FCHSD2: variants seen among roughly 807,000 people sequenced by gnomAD.
FCHSD2 encodes the protein FCH and double SH3 domains 2.
FCHSD2 carries 38 observed loss-of-function variants against 108.1 expected under a neutral mutation model. That is an observed-to-expected ratio of 0.35 (90% CI 0.27 to 0.46). FCHSD2 has a LOEUF of 0.46. Among genes scored for constraint, FCHSD2 ranks in the 20% least tolerant of loss-of-function variants. FCHSD2 has a pLI of 1.00. For synonymous variants in FCHSD2, 279 were observed against 314.7 expected, an observed-to-expected ratio of 0.89 and a Z score of 1.20; for missense variants, 751 against 897.8, an observed-to-expected ratio of 0.84 and a Z score of 2.09.
chr11:73,028,161 A>C (rs1012731744), intron 3 of FCHSD2, among the ~76,000 whole-genome samples: 1 of 151,310 alleles, frequency 6.6e-6, no homozygotes, highest in East Asian at 1.9e-4. Flanking sequence ...ATCCCAGAAA[A>C]CCTCACACCA....
chr11:72,869,659 A>T (rs1432302194), intron 12 of FCHSD2: 1 of 152,122 alleles, frequency 6.6e-6, no homozygotes, highest in Non-Finnish European at 1.5e-5. Context: ...ACATACTTGC[A>T]TTTTGACAAG....
chr11:73,125,073 T>C (rs1293617197), intron 2 of FCHSD2, among the ~76,000 whole-genome samples: 1 of 152,142 alleles, frequency 6.6e-6, no homozygotes, highest in African/African-American at 2.4e-5. Flanking sequence ...ATAAAGACAT[T>C]TTCAGACATA....
At chr11:73,084,014 G>T (rs1277317128) in intron 2 of FCHSD2, among the ~76,000 whole-genome samples, 2 of 152,132 alleles carry the variant, frequency 1.3e-5, no homozygotes, top group African/African-American at 4.8e-5. Context: ...CTAAAATGGG[G>T]ATAATAACAG....
intron 9 of FCHSD2, among the ~76,000 whole-genome samples, chr11:72,907,456 T>C (rs1855653132): frequency 6.6e-6 from 1 of 152,182 alleles, no homozygotes; most frequent in African/African-American, 2.4e-5. Flanking sequence ...TTCAGTATAA[T>C]ATTGGCTGTG....
chr11:72,839,831 A>G (rs2135146306), intron 19 of FCHSD2, among the ~76,000 whole-genome samples: 2 of 152,336 alleles, frequency 1.3e-5, no homozygotes, highest in Non-Finnish European at 2.9e-5. Flanking sequence ...AATGGTTATC[A>G]TAGCTGTGGA....
At chr11:73,096,377 C>CAAAAAAAAAA (rs767268719) in intron 2 of FCHSD2, among the ~76,000 whole-genome samples, 2 of 68,358 alleles carry the variant, frequency 2.9e-5, no homozygotes, top group African/African-American at 6.0e-5. Context: ...CCTGCCTCTA[C>CAAAAAAAAAA]AAAAAAAAAA....
chr11:72,983,009 A>G (rs1429143053), intron 8 of FCHSD2, among the ~76,000 whole-genome samples: 1 of 151,998 alleles, frequency 6.6e-6, no homozygotes, highest in Non-Finnish European at 1.5e-5. Flanking sequence ...AAATAAAAGA[A>G]AGGGGCCGGG....
chr11:73,057,179 C>T (rs1209180201), intron 3 of FCHSD2, among the ~76,000 whole-genome samples: 1 of 152,146 alleles, frequency 6.6e-6, no homozygotes, highest in African/African-American at 2.4e-5. Flanking sequence ...TAGGAAAATG[C>T]AGAAGGACCT....
chr11:72,985,911 T>C (rs1396689714), intron 6 of FCHSD2, among the ~76,000 whole-genome samples: 1 of 151,914 alleles, frequency 6.6e-6, no homozygotes, highest in Non-Finnish European at 1.5e-5. Flanking sequence ...AAAGCTGCAA[T>C]GTTTGTCCTG....
intron 3 of FCHSD2, among the ~76,000 whole-genome samples, chr11:73,058,066 A>T (rs1310696154): frequency 6.6e-6 from 1 of 152,070 alleles, no homozygotes; most frequent in Non-Finnish European, 1.5e-5. Context: ...TTTTTAGTAG[A>T]GACAGGGTTT....
intron 8 of FCHSD2, among the ~76,000 whole-genome samples, chr11:72,972,586 T>C (rs1857027536): frequency 6.6e-6 from 1 of 152,206 alleles, no homozygotes; most frequent in Admixed American, 6.5e-5. Flanking sequence ...TTTTAAAAAG[T>C]TGTTCAACTG....
At chr11:72,992,784 AG>A (rs368267125) in intron 5 of FCHSD2, among the ~76,000 whole-genome samples, 65 of 148,704 alleles carry the variant, frequency 4.4e-4, no homozygotes, top group South Asian at 6.4e-4. Flanking sequence ...CTTAAATGTT[AG>A]ACCTAAAACC....
At chr11:73,096,987 ATTTTTTTTTTTTTTTT>A (rs60223064) in intron 2 of FCHSD2, among the ~76,000 whole-genome samples, 4 of 27,020 alleles carry the variant, frequency 1.5e-4, no homozygotes, top group Admixed American at 8.4e-4. Flanking sequence ...TCATTGATGG[ATTTTTTTTTTTTTTTT>A]TTTTTTTTTT....
At chr11:72,988,769 C>T (rs1301162000) in intron 6 of FCHSD2, among the ~76,000 whole-genome samples, 195 bp downstream of exon 6, 1 of 152,054 alleles carries the variant, frequency 6.6e-6, no homozygotes, top group Non-Finnish European at 1.5e-5. Flanking sequence ...TCTAATATTC[C>T]CATTTTGCTA....
At chr11:73,078,902 T>C (rs1418081802) in intron 3 of FCHSD2, among the ~76,000 whole-genome samples, 1 of 151,864 alleles carries the variant, frequency 6.6e-6, no homozygotes, top group Non-Finnish European at 1.5e-5. Flanking sequence ...TTATTTTTTA[T>C]AGAGATGGGG....
Position 72,889,957 on chromosome 11 carries a change from G to A in FCHSD2, c.925-12C>T. ...TCTAACTGTCGGCTCTACAATACAA[G>A]AGAGAACAGAGATAAAAATATTGCT... On this transcript the variant is annotated splice_polypyrimidine_tract_variant and intron_variant, in intron 10 of 19. Transcript: ENST00000409418. The A allele has an allele frequency of 1.3e-6, 2 of 1,490,898 alleles. No homozygotes were observed. The highest frequency in any genetic ancestry group is 1.9e-6 in the Non-Finnish European group (2 of 1,068,888). The allele number at this position is 1,490,898 out of a possible 1,614,324, so 92.4% of individuals were successfully genotyped here.
At chr11:72,967,906 G>A (rs1323863060) in intron 8 of FCHSD2, among the ~76,000 whole-genome samples, 2 of 151,738 alleles carry the variant, frequency 1.3e-5, no homozygotes, top group Non-Finnish European at 2.9e-5. Flanking sequence ...CCTGGCTAAC[G>A]CGGTGAATCC....
intron 2 of FCHSD2, among the ~76,000 whole-genome samples, chr11:73,131,361 CAAA>C (rs55755311): frequency 2.0e-5 from 2 of 101,230 alleles, no homozygotes; most frequent in Non-Finnish European, 2.0e-5. Context: ...ACTAAAAGTA[CAAA>C]AAAAAAAAAA....
intron 12 of FCHSD2, among the ~76,000 whole-genome samples, chr11:72,886,530 T>G (rs750008149): frequency 3.3e-5 from 5 of 152,246 alleles, no homozygotes; most frequent in African/African-American, 4.8e-5. Context: ...TAGTGATTTT[T>G]GGCATTCTTT....
Sources: gnomAD v4.1 joint callset for allele counts (sites outside exome capture counted in the v4.1 genomes callset) on GRCh38, gnomAD v4.1.1 for gene constraint, MANE v1.5 for transcripts, NCBI Gene and HGNC (gene_info 2026-07-23, HGNC 2026-07-21) for gene names.